ITSN1: variants seen among roughly 807,000 people sequenced by gnomAD.
ITSN1 encodes the protein intersectin 1, also known as intersectin-1.
ITSN1 carries 58 observed loss-of-function variants against 239.8 expected under a neutral mutation model. The ratio of observed to expected loss-of-function variants is 0.24; its 90% confidence interval spans 0.20 to 0.30. The LOEUF is 0.30. ITSN1 is among the 10% of genes least tolerant of loss of function. The pLI, the probability that ITSN1 is intolerant of heterozygous loss-of-function variation, is 1.00. For synonymous variants in ITSN1, 780 were observed against 770.8 expected (o/e 1.01, Z -0.20); for missense variants, 1,558 against 2,103.3 (o/e 0.74, Z 5.07).
chr21:33,726,419 C>G (rs1285317069), intron 4 of ITSN1, among the ~76,000 whole-genome samples: 2 of 152,006 alleles, frequency 1.3e-5, no homozygotes, highest in Non-Finnish European at 2.9e-5. Context: ...AGTCCTTACT[C>G]CTTTTGGTAG....
intron 29 of ITSN1, among the ~76,000 whole-genome samples, chr21:33,842,869 T>G (rs1302122286): frequency 6.6e-6 from 1 of 152,140 alleles, no homozygotes; most frequent in Non-Finnish European, 1.5e-5. Flanking sequence ...GGACGCTGTT[T>G]CCCTCAGTGA....
At chr21:33,787,225 T>C (rs1348182158) in intron 16 of ITSN1, among the ~76,000 whole-genome samples, 1 of 152,238 alleles carries the variant, frequency 6.6e-6, no homozygotes, top group African/African-American at 2.4e-5. Context: ...TTTGAGCTTG[T>C]CTGCAAAAAT....
intron 24 of ITSN1, among the ~76,000 whole-genome samples, chr21:33,822,246 T>G (rs1328392105): frequency 6.6e-6 from 1 of 152,212 alleles, no homozygotes; most frequent in Non-Finnish European, 1.5e-5. Flanking sequence ...TCTGTTTGTT[T>G]TAGTTTTCAT....
intron 28 of ITSN1, among the ~76,000 whole-genome samples, chr21:33,835,128 C>T (rs1298210625): frequency 6.6e-6 from 1 of 152,176 alleles, no homozygotes; most frequent in Non-Finnish European, 1.5e-5. Context: ...TGTTCCAATA[C>T]CTTGTGGTTA....
intron 3 of ITSN1, 44 bp from the exon 4 acceptor site, chr21:33,722,544 G>GTTTT (rs373376953): frequency 4.0e-5 from 52 of 1,284,694 alleles, no homozygotes; most frequent in African/African-American, 2.3e-4. Context: ...GTCAGCTGTT[G>GTTTT]TTTTTTTTTT....
intron 16 of ITSN1, among the ~76,000 whole-genome samples, chr21:33,789,330 T>C (rs1031947746): frequency 2.0e-5 from 3 of 152,180 alleles, no homozygotes; most frequent in Non-Finnish European, 4.4e-5. Context: ...AGCTACATCA[T>C]TTTTTAATGA....
intron 5 of ITSN1, among the ~76,000 whole-genome samples, chr21:33,742,710 A>G (rs752941335): frequency 4.6e-5 from 7 of 152,204 alleles, no homozygotes; most frequent in Non-Finnish European, 8.8e-5. Flanking sequence ...AGTGGAATCA[A>G]AATTGAGCAG....
intron 17 of ITSN1, among the ~76,000 whole-genome samples, chr21:33,796,050 G>A (rs1354788241): frequency 2.0e-5 from 3 of 149,974 alleles, no homozygotes; most frequent in African/African-American, 7.4e-5. Context: ...TGCAACCTCC[G>A]CCTCCCAGGT....
chr21:33,855,714 G>A (rs1330250855), intron 29 of ITSN1, among the ~76,000 whole-genome samples: 1 of 152,266 alleles, frequency 6.6e-6, no homozygotes, highest in Non-Finnish European at 1.5e-5. Context: ...TCTCAGGGCA[G>A]TGGAGTGGCC....
intron 4 of ITSN1, among the ~76,000 whole-genome samples, chr21:33,730,388 C>CTT (rs71194863): frequency 0.015 from 737 of 49,372 alleles, 146 homozygotes; most frequent in Middle Eastern, 0.038. Flanking sequence ...GCTCTCTGTT[C>CTT]TTTTTTTTTT....
chr21:33,887,319 C>CAA (rs35001467), intron 39 of ITSN1, among the ~76,000 whole-genome samples: 22,420 of 144,194 alleles, frequency 0.16, 2,587 homozygotes, highest in African/African-American at 0.34. Context: ...ATCCTGTCTC[C>CAA]AAAAAAAAAA....
chr21:33,830,380 A>G (rs2074224194), intron 27 of ITSN1, among the ~76,000 whole-genome samples: 1 of 152,214 alleles, frequency 6.6e-6, no homozygotes, highest in South Asian at 2.1e-4. Flanking sequence ...ATGGTCTTGA[A>G]GTGACCCCCA....
intron 1 of ITSN1, among the ~76,000 whole-genome samples, chr21:33,672,270 G>T (rs573775423): frequency 7.3e-5 from 11 of 151,342 alleles, no homozygotes; most frequent in Admixed American, 6.6e-4. Flanking sequence ...TCTAATTCAC[G>T]TGTTTTTAAA....
intron 1 of ITSN1, among the ~76,000 whole-genome samples, chr21:33,684,838 G>T (rs1387246213): frequency 1.3e-5 from 2 of 152,142 alleles, no homozygotes; most frequent in East Asian, 3.8e-4. Context: ...TAACTTTAAA[G>T]AATTTAAGAG....
At chr21:33,732,253 A>G (rs1413257670) in intron 4 of ITSN1, among the ~76,000 whole-genome samples, 1 of 152,186 alleles carries the variant, frequency 6.6e-6, no homozygotes, top group African/African-American at 2.4e-5. Context: ...AGCCTCCTTT[A>G]TCAGTCTTAA....
intron 35 of ITSN1, among the ~76,000 whole-genome samples, 185 bp from the exon 36 acceptor site, chr21:33,883,365 A>T (rs145315389): frequency 8.5e-4 from 129 of 152,318 alleles, no homozygotes; most frequent in African/African-American, 3.0e-3. Context: ...ACTGGAACAC[A>T]CCCAGAAACA....
intron 27 of ITSN1, among the ~76,000 whole-genome samples, chr21:33,832,003 C>G (rs938704871): frequency 2.6e-5 from 4 of 152,276 alleles, no homozygotes; most frequent in African/African-American, 9.6e-5. Flanking sequence ...TGCCCCTGTC[C>G]TGTTCTGGAG....
At chr21:33,883,799 G>A (rs779875422) in intron 36 of ITSN1, 128 bp downstream of exon 36, 119 of 1,065,842 alleles carry the variant, frequency 1.1e-4, no homozygotes, top group Middle Eastern at 3.1e-4. Flanking sequence ...CTGGGAGTGG[G>A]GATGGGGCTA....
chr21:33,858,398 C>T (rs927583916), intron 30 of ITSN1, among the ~76,000 whole-genome samples: 2 of 152,220 alleles, frequency 1.3e-5, no homozygotes, highest in Non-Finnish European at 2.9e-5. Context: ...GACTTGGTAC[C>T]GGCCTCCCTG....
Sources: gnomAD v4.1 joint callset for allele counts (sites outside exome capture counted in the v4.1 genomes callset) on GRCh38, gnomAD v4.1.1 for gene constraint, MANE v1.5 for transcripts, NCBI Gene and HGNC (gene_info 2026-07-23, HGNC 2026-07-21) for gene names.